Variants in STAB1 observed in about 807,000 individuals in gnomAD.
STAB1 encodes stabilin-1.
A neutral mutation model predicts 332.4 loss-of-function variants in STAB1; 250 were observed. The observed-to-expected ratio is 0.75, with a 90% confidence interval of 0.68 to 0.84. The LOEUF (loss-of-function observed/expected upper bound fraction) is 0.84. STAB1 is among the 40% of genes least tolerant of loss of function. The pLI, the probability that STAB1 is intolerant of heterozygous loss-of-function variation, is 0.00. For missense variants in STAB1, 3,249 were observed against 3,489.7 expected (o/e 0.93, Z 1.74); for synonymous variants, 1,475 against 1,390.4 (o/e 1.06, Z -1.35).
Position 52,517,999 on chromosome 3 carries a change from G to A in STAB1, c.4757G>A (p.Gly1586Asp), listed in dbSNP as rs578044854. The A allele has an allele frequency of 6.2e-7, 1 of 1,602,716 alleles. No homozygotes were observed. Among genetic ancestry groups the A allele is most frequent in the East Asian group, 2.2e-5 (1 of 44,808 alleles). Residue 1586 changes from glycine (G) to aspartate (D), a missense_variant, in exon 45 of 69, where the codon GGC (glycine) becomes GAC (aspartate). Coordinates refer to ENST00000321725, the MANE Select transcript of STAB1 (RefSeq NM_015136.3). ...GGCCTCACCTGCCGTGCCCGAGTCG[G>A]CCTGGTAATGATGCCCAAGTCAGAC... ...GDGLTCRARVGLELLRDKHAS... is the reference protein window; with the variant it reads ...GDGLTCRARVDLELLRDKHAS...
Position 52,504,448 on chromosome 3 carries a change from C to A in STAB1, c.1151-13C>A, listed in dbSNP as rs1282677833. 1.2e-6 allele frequency: 2 copies of A among 1,613,750 alleles called. No homozygotes were observed. Among genetic ancestry groups the A allele is most frequent in the African/African-American group, 1.3e-5 (1 of 75,038 alleles). On this transcript the variant is annotated splice_polypyrimidine_tract_variant and intron_variant, in intron 10 of 68. Coordinates refer to ENST00000321725, the MANE Select transcript of STAB1 (RefSeq NM_015136.3). The stretch of plus-strand genomic sequence containing the variant: ...CCAGCTCCCTTCTGATGCTCCCTCA[C>A]CCTGCCCCCCAGACCAGGGCTGCCG...
At position 52,516,711 on chromosome 3, in the gene STAB1, G is replaced by T; in HGVS notation, c.4306G>T (p.Gly1436Ter). The change falls in exon 41 of 69, where the codon GGA becomes TGA. Residue 1436 changes from glycine (G) to a stop codon, truncating the protein, a stop_gained. Transcript: ENST00000321725. LOFTEE classifies it high-confidence loss of function. Reference sequence around the variant, plus strand: ...TCCCAGCTGCGTGCAGGACTCGGCCGGAGCCTCCACCTGCGCCTGTGCTGC... The same window carrying T: ...TCCCAGCTGCGTGCAGGACTCGGCCTGAGCCTCCACCTGCGCCTGTGCTGC... Reference protein sequence around the residue: ...PNANCVQDSAGASTCACAAGY... With the variant: ...PNANCVQDSA 1 of 1,612,048 alleles carries T rather than the reference G, an allele frequency of 6.2e-7. No individual in the cohort carries two copies.
At chr3:52,510,775 G>C (rs1292825541) in intron 25 of STAB1, among the ~76,000 whole-genome samples, 1 of 152,196 alleles carries the variant, frequency 6.6e-6, no homozygotes, top group Non-Finnish European at 1.5e-5. Flanking sequence ...AGCAGGAAAA[G>C]CCCCTGCCCG....
At chr3:52,502,270 T>TG in intron 5 of STAB1, 42 bp downstream of exon 5, 1 of 1,596,010 alleles carries the variant, frequency 6.3e-7, no homozygotes, top group Admixed American at 1.7e-5. Flanking sequence ...AGCGTCCACC[T>TG]GGGGGCCCAC....
intron 1 of STAB1, among the ~76,000 whole-genome samples, chr3:52,498,314 C>T (rs1708193621): frequency 6.6e-6 from 1 of 152,210 alleles, no homozygotes; most frequent in Admixed American, 6.5e-5. Context: ...TCCCGAGGTG[C>T]CCCCAGGAAG....
Position 52,501,313 on chromosome 3 carries a change from C to T in STAB1, c.215+11C>T, listed in dbSNP as rs2153232891. 1 of 1,611,878 alleles carries T rather than the reference C, an allele frequency of 6.2e-7. No individual in the cohort carries two copies. Among genetic ancestry groups the T allele is most frequent in the South Asian group, 1.1e-5 (1 of 91,060 alleles). ...AACCCAGGACTGCCGGTGCGGGCCA[C>T]CCCTGTCCTTGCCTGTGTCCAGGAG... On this transcript the variant is annotated intron_variant, in intron 2 of 68. Coordinates refer to ENST00000321725, the MANE Select transcript of STAB1 (RefSeq NM_015136.3).
rs752535860 is a variant in STAB1 at position 52,524,437 on chromosome 3, G to GC, written c.*82dup. 1 of 1,611,956 alleles carries GC rather than the reference G, an allele frequency of 6.2e-7. No individual in the cohort carries two copies. The highest frequency in any genetic ancestry group is 8.5e-7 in the Non-Finnish European group (1 of 1,179,266). ...TGTCTGGGTGGATGGGGCAGGAGGGGCTGAGGGCCTGTCCCAGACAATAAA... is the reference window on the plus strand; with the variant it reads ...TGTCTGGGTGGATGGGGCAGGAGGGGCCTGAGGGCCTGTCCCAGACAATAAA... On this transcript the variant is annotated 3_prime_UTR_variant, in exon 69 of 69. Transcript: ENST00000321725.
rs777119615 is a variant in STAB1, at chr3:52,513,961, C to T, written c.3427C>T (p.Leu1143Phe). The change falls in exon 32 of 69, where the codon CTC (leucine) becomes TTC (phenylalanine). Residue 1143 changes from leucine to phenylalanine, a missense_variant. By Grantham distance (22) the Leu-to-Phe change is conservative (BLOSUM62 0). Coordinates refer to ENST00000321725, the MANE Select transcript of STAB1 (RefSeq NM_015136.3). ...QQLDLVPAFSLFRELLQHHGL... is the reference protein window; with the variant it reads ...QQLDLVPAFSFFRELLQHHGL... ...GCTGGACTTGGTGCCTGCCTTCAGC[C>T]TCTTCCGGGAATTGCTGCAGGTACG... 1.2e-6 allele frequency: 2 copies of T among 1,604,790 alleles called. No individual in the cohort carries two copies. Among genetic ancestry groups the T allele is most frequent in the Non-Finnish European group, 8.5e-7 (1 of 1,173,874 alleles).
rs1251284111 is a variant in STAB1, at chr3:52,508,329, C to A, written c.2205C>A (p.Gly735=). The A allele has an allele frequency of 6.2e-7, 1 of 1,613,836 alleles. No homozygotes were observed. The highest frequency in any genetic ancestry group is 8.5e-7 in the Non-Finnish European group (1 of 1,180,008). Residue 735 remains glycine (G), a synonymous_variant, in exon 21 of 69, where the codon GGC becomes GGA. Transcript: ENST00000321725. ...CTGACTGCACGCAGTGTCCTGGGGG[C>A]TTCTCCAACCCCTGCTATGGCAAAG... is the stretch of plus-strand genomic sequence containing the variant. ...FGPDCTQCPG[G]FSNPCYGKGN... is the part of the protein sequence containing the mutation.
intron 1 of STAB1, among the ~76,000 whole-genome samples, chr3:52,497,318 C>G (rs923844672): frequency 2.0e-5 from 3 of 151,270 alleles, no homozygotes; most frequent in African/African-American, 7.3e-5. Flanking sequence ...ATGTACATAG[C>G]ATTTACATTG....
intron 1 of STAB1, 84 bp from the exon 2 acceptor site, chr3:52,501,082 G>A: frequency 1.3e-6 from 2 of 1,548,472 alleles, no homozygotes; most frequent in South Asian, 2.4e-5. Context: ...AGCTGGAGGG[G>A]TGTGAGCCCT....
Position 52,524,116 on chromosome 3 carries a change from A to ACGACGAC in STAB1, c.7559_7560insCGACGAC (p.Phe2523Ter). The ACGACGAC allele has an allele frequency of 6.2e-7, 1 of 1,613,680 alleles. No individual in the cohort carries two copies. Among genetic ancestry groups the ACGACGAC allele is most frequent in the Non-Finnish European group, 8.5e-7 (1 of 1,180,014 alleles). On this transcript the variant is annotated frameshift_variant, in exon 68 of 69. Coordinates refer to ENST00000321725, the MANE Select transcript of STAB1 (RefSeq NM_015136.3). LOFTEE classifies it high-confidence loss of function. ...TGCTCCCAGGCGGAAGATGATGCTGATGACGACTTCTCACCGTGGCAAGAA... is the reference window on the plus strand; with the variant it reads ...TGCTCCCAGGCGGAAGATGATGCTGACGACGACTGACGACTTCTCACCGTGGCAAGAA...
At chr3:52,515,382 C>A (rs771633516) in intron 36 of STAB1, 41 bp from the exon 37 acceptor site, 1 of 1,600,884 alleles carries the variant, frequency 6.2e-7, no homozygotes, top group Non-Finnish European at 8.5e-7. Flanking sequence ...TGCCCCTGCC[C>A]AAGCCACTGG....
chr3:52,502,663 T>C lies in STAB1; in HGVS notation c.519T>C (p.His173=), dbSNP rs1708539217. 1.9e-6 allele frequency: 3 copies of C among 1,613,668 alleles called. No individual in the cohort carries two copies. Among genetic ancestry groups the C allele is most frequent in the Non-Finnish European group, 2.5e-6 (3 of 1,179,888 alleles). ...VCSCVHGVCN[H]GPRGDGSCLC... ...GCTGTGTGCACGGAGTGTGCAACCA[T>C]GGGCCACGTGGGGATGGAAGCTGCC... Residue 173 remains histidine (H), a synonymous_variant, in exon 6 of 69, where the codon CAT becomes CAC. Transcript: ENST00000321725.
chr3:52,506,617 A>G (rs1708888510), intron 17 of STAB1, 75 bp from the exon 18 acceptor site: 1 of 1,465,356 alleles, frequency 6.8e-7, no homozygotes, highest in Non-Finnish European at 9.1e-7. Context: ...ACTGGGCTGC[A>G]GGGGTGGAGG....
Position 52,511,256 on chromosome 3 carries a change from A to G in STAB1, c.2788-394A>G, listed in dbSNP as rs966413667. 3.3e-5 allele frequency among the ~76,000 whole-genome samples: 5 copies of G among 152,200 alleles called. No homozygotes were observed. The East Asian group carries it at 9.6e-4, about 29-fold the overall frequency. On this transcript the variant is annotated intron_variant, in intron 25 of 68. Coordinates refer to ENST00000321725, the MANE Select transcript of STAB1 (RefSeq NM_015136.3). ...AGGGACACTGGCATTTGGTTGGGGG[A>G]TTAGAGCAGCTGAGTAGGGTGGCAG...
At chr3:52,513,692 G>T in intron 30 of STAB1, 25 bp from the exon 31 acceptor site, 1 of 1,608,052 alleles carries the variant, frequency 6.2e-7, no homozygotes. Context: ...CCCACCTGTG[G>T]CTAAGCTCTG....
chr3:52,502,854 G>T, intron 6 of STAB1, 127 bp downstream of exon 6: 1 of 1,247,178 alleles, frequency 8.0e-7, no homozygotes, highest in Non-Finnish European at 1.1e-6. Context: ...TGGGGAAGGG[G>T]TGTCATCTGA....
Position 52,501,648 on chromosome 3 carries a change from C to T in STAB1, c.226C>T (p.Gln76Ter). ...ACCCTCTGCCCCCAGCTACGAAGTA[C>T]AGCTGGGGGGCTCTATGGTGTCCAT... The part of the protein sequence containing the change: ...QITQDCRYEV[Q>*]LGGSMVSMSG... The change falls in exon 3 of 69, where the codon CAG becomes TAG. Residue 76 changes from glutamine (Q) to a stop codon, truncating the protein, a stop_gained. Transcript: ENST00000321725. LOFTEE classifies it high-confidence loss of function. The T allele has an allele frequency of 1.3e-6, 2 of 1,563,992 alleles. No individual in the cohort carries two copies. Among genetic ancestry groups the T allele is most frequent in the East Asian group, 2.4e-5 (1 of 41,714 alleles).
Sources: gnomAD v4.1 joint callset for allele counts (sites outside exome capture counted in the v4.1 genomes callset) on GRCh38, gnomAD v4.1.1 for gene constraint, MANE v1.5 for transcripts, NCBI Gene and HGNC (gene_info 2026-07-23, HGNC 2026-07-21) for gene names.